The following GALNT7 variants were observed in gnomAD, a reference collection of about 807,000 sequenced individuals.
GALNT7 encodes polypeptide N-acetylgalactosaminyltransferase 7.
In GALNT7, 60 loss-of-function variants were observed where a neutral mutation model predicts 82.1. That is an observed-to-expected ratio of 0.73 (90% CI 0.59 to 0.91). The LOEUF (loss-of-function observed/expected upper bound fraction) is 0.91. Ranked by LOEUF, GALNT7 falls within the 40% of genes least tolerant of loss-of-function variation. GALNT7 has a pLI of 0.00. For missense variants in GALNT7, 660 were observed against 804.2 expected (o/e 0.82, Z 2.17); for synonymous variants, 243 against 275.1 (o/e 0.88, Z 1.15).
intron 1 of GALNT7, among the ~76,000 whole-genome samples, chr4:173,185,193 T>C (rs1732427720): frequency 6.6e-6 from 1 of 152,198 alleles, no homozygotes; most frequent in Non-Finnish European, 1.5e-5. Context: ...TTGATCTGTT[T>C]CAGTTTGCTT....
intron 2 of GALNT7, among the ~76,000 whole-genome samples, chr4:173,269,286 T>G (rs888829935): frequency 1.4e-4 from 22 of 152,202 alleles, no homozygotes; most frequent in African/African-American, 5.1e-4. Flanking sequence ...AGAAATAAAG[T>G]GGCCGAGTTA....
intron 2 of GALNT7, among the ~76,000 whole-genome samples, chr4:173,265,005 C>A (rs1344371245): frequency 6.6e-6 from 1 of 152,196 alleles, no homozygotes. Flanking sequence ...CTGCTTTGAT[C>A]CCAGCACTTT....
chr4:173,225,560 G>A (rs768398997), intron 1 of GALNT7, among the ~76,000 whole-genome samples: 1 of 152,098 alleles, frequency 6.6e-6, no homozygotes, highest in Non-Finnish European at 1.5e-5. Context: ...AGCATTGCCA[G>A]GCACTCAAAG....
At chr4:173,265,321 G>C (rs1735442254) in intron 2 of GALNT7, among the ~76,000 whole-genome samples, 2 of 152,194 alleles carry the variant, frequency 1.3e-5, no homozygotes, top group African/African-American at 2.4e-5. Flanking sequence ...ATACTAAGAA[G>C]TGACCTTTCC....
At chr4:173,274,113 T>C in intron 2 of GALNT7, among the ~76,000 whole-genome samples, 1 of 152,218 alleles carries the variant, frequency 6.6e-6, no homozygotes, top group East Asian at 1.9e-4. Flanking sequence ...CCAGGGAGTT[T>C]TGAAGAAATA....
intron 1 of GALNT7, among the ~76,000 whole-genome samples, chr4:173,242,607 A>T (rs891319952): frequency 6.6e-6 from 1 of 152,228 alleles, no homozygotes; most frequent in Non-Finnish European, 1.5e-5. Flanking sequence ...GTCATCGCTC[A>T]GTGCTCTGAA....
At chr4:173,285,922 G>A (rs1736303506) in intron 2 of GALNT7, among the ~76,000 whole-genome samples, 1 of 152,072 alleles carries the variant, frequency 6.6e-6, no homozygotes, top group African/African-American at 2.4e-5. Flanking sequence ...ATTTCCCAGG[G>A]AGTCCCAGGC....
At chr4:173,197,445 A>G (rs1732813023) in intron 1 of GALNT7, among the ~76,000 whole-genome samples, 1 of 152,220 alleles carries the variant, frequency 6.6e-6, no homozygotes, top group African/African-American at 2.4e-5. Context: ...AATCAATTTA[A>G]TTCAGCAATG....
chr4:173,308,910 C>CA (rs1379332039), intron 8 of GALNT7, among the ~76,000 whole-genome samples: 7 of 151,902 alleles, frequency 4.6e-5, no homozygotes, highest in Admixed American at 1.3e-4. Context: ...CTCAAAAAAA[C>CA]AAAAAAATAG....
rs1433755627 is a variant in GALNT7, at chr4:173,323,002, G to A, written c.*1285G>A. The stretch of plus-strand genomic sequence containing the variant: ...TTTCCGGTGAACAGAAGATTTGTTT[G>A]GATTTAAACATTTACTAAGACAGTA... On this transcript the variant is annotated 3_prime_UTR_variant, in exon 12 of 12. Transcript: ENST00000265000. 1 of 151,934 alleles carries A rather than the reference G, an allele frequency of 6.6e-6. No individual in the cohort carries two copies. Among genetic ancestry groups the A allele is most frequent in the Non-Finnish European group, 1.5e-5 (1 of 67,964 alleles). 9.4% of individuals were successfully genotyped at this position (151,934 alleles called of 1,614,324 possible). A position where few individuals can be genotyped will look rare whatever the true frequency, so the allele number is the denominator to read the frequency against.
At chr4:173,219,350 G>GTA (rs1397062930) in intron 1 of GALNT7, among the ~76,000 whole-genome samples, 1 of 151,964 alleles carries the variant, frequency 6.6e-6, no homozygotes, top group Non-Finnish European at 1.5e-5. Context: ...GTGTGTGTGT[G>GTA]TATACATACA....
At chr4:173,185,912 C>CA (rs1388165218) in intron 1 of GALNT7, among the ~76,000 whole-genome samples, 1 of 152,164 alleles carries the variant, frequency 6.6e-6, no homozygotes, top group Non-Finnish European at 1.5e-5. Context: ...TTGAAAAACT[C>CA]AAACACATCC....
At chr4:173,233,703 C>G (rs1734117304) in intron 1 of GALNT7, among the ~76,000 whole-genome samples, 1 of 152,204 alleles carries the variant, frequency 6.6e-6, no homozygotes, top group African/African-American at 2.4e-5. Context: ...AGGCCAGTCC[C>G]CATGACTGCT....
At chr4:173,271,182 G>T (rs1735708758) in intron 2 of GALNT7, among the ~76,000 whole-genome samples, 1 of 152,172 alleles carries the variant, frequency 6.6e-6, no homozygotes, top group African/African-American at 2.4e-5. Flanking sequence ...TGACATTGTT[G>T]TTCTGGGGAA....
rs977880374 is a variant in GALNT7 at position 173,302,476 on chromosome 4, G to C, written c.1266+312G>C. 6.6e-6 allele frequency among the ~76,000 whole-genome samples: 1 copy of C among 152,140 alleles called. No individual in the cohort carries two copies. Among genetic ancestry groups the C allele is most frequent in the South Asian group, 2.1e-4 (1 of 4,832 alleles). ...CTTTTTATTATAGAAGCCCTTGGAA[G>C]AATCTGCATGCGTTAGGGCCACAAT... On this transcript the variant is annotated intron_variant, in intron 7 of 11. Coordinates refer to ENST00000265000, the MANE Select transcript of GALNT7 (RefSeq NM_017423.3). This position sits in a 1 kb window ranked among gnomAD's most constrained non-coding sequence, Gnocchi z 4.2.
intron 1 of GALNT7, among the ~76,000 whole-genome samples, chr4:173,211,256 AT>A (rs1163448565): frequency 2.6e-5 from 4 of 152,206 alleles, no homozygotes; most frequent in Non-Finnish European, 5.9e-5. Flanking sequence ...CTAAATATGC[AT>A]TCCTGCCTGT....
At chr4:173,290,063 G>A (rs1051323373) in intron 2 of GALNT7, among the ~76,000 whole-genome samples, 18 of 152,232 alleles carry the variant, frequency 1.2e-4, no homozygotes, top group African/African-American at 4.3e-4. Flanking sequence ...TATATGCTGG[G>A]AATATGGTAG....
intron 1 of GALNT7, chr4:173,169,788 A>G (rs1193148160): frequency 2.0e-5 from 3 of 151,852 alleles, no homozygotes; most frequent in Admixed American, 6.6e-5. Flanking sequence ...ATCCGGGGGA[A>G]GAGGAGCAGT....
At chr4:173,169,373 C>G (rs1406534775) in intron 1 of GALNT7, 1 of 151,120 alleles carries the variant, frequency 6.6e-6, no homozygotes, top group African/African-American at 2.4e-5. Context: ...TTGGTCCAGG[C>G]TGCGGCCTGT....
Sources: allele counts gnomAD v4.1 joint callset (sites outside exome capture counted in the v4.1 genomes callset), GRCh38; gene constraint gnomAD v4.1.1; non-coding constraint Gnocchi (gnomAD v3.1); transcripts MANE v1.5; gene names NCBI Gene and HGNC (gene_info 2026-07-23, HGNC 2026-07-21).